Variants in SPIRE2 observed in about 807,000 individuals in gnomAD.
SPIRE2 encodes the protein spire type actin nucleation factor 2, also known as protein spire homolog 2.
SPIRE2 carries 76 observed loss-of-function variants against 80.7 expected under a neutral mutation model. That is an observed-to-expected ratio of 0.94 (90% CI 0.78 to 1.14). SPIRE2 has a LOEUF of 1.14. SPIRE2 is among the 50% of genes most tolerant of loss of function. The pLI is 0.00. For missense variants in SPIRE2, 1,196 were observed against 1,015.3 expected (o/e 1.18, Z -2.42); for synonymous variants, 535 against 432.6 (o/e 1.24, Z -2.94).
At chr16:89,842,916 C>T (rs570271329) in intron 1 of SPIRE2, among the ~76,000 whole-genome samples, 11 of 152,230 alleles carry the variant, frequency 7.2e-5, no homozygotes, top group African/African-American at 4.8e-5. Flanking sequence ...AGCAGGCTCC[C>T]TTTATCTTTG....
intron 1 of SPIRE2, among the ~76,000 whole-genome samples, chr16:89,830,251 C>T (rs2041366430): frequency 6.6e-6 from 1 of 151,258 alleles, no homozygotes; most frequent in Non-Finnish European, 1.5e-5. Flanking sequence ...GTCCTCACAG[C>T]CCCGGCAGCA....
intron 1 of SPIRE2, among the ~76,000 whole-genome samples, chr16:89,843,676 TTTTTG>T (rs201054717): frequency 0.096 from 2,842 of 29,580 alleles, 285 homozygotes; most frequent in African/African-American, 0.34. Context: ...CGTTTTTTTT[TTTTTG>T]TTTGTTTTTG....
At position 89,850,613 on chromosome 16, in the gene SPIRE2, A is replaced by G; in HGVS notation, c.598A>G (p.Thr200Ala). The G allele has an allele frequency of 1.3e-6, 2 of 1,515,650 alleles. No homozygotes were observed. The highest frequency in any genetic ancestry group is 2.4e-5 in the South Asian group (2 of 81,648). 93.9% of individuals were successfully genotyped at this position (1,515,650 alleles called of 1,614,324 possible). The change falls in exon 3 of 15, where the codon ACG (threonine) becomes GCG (alanine). Residue 200 changes from threonine (T) to alanine (A), a missense_variant. Coordinates refer to ENST00000378247, the MANE Select transcript of SPIRE2 (RefSeq NM_032451.2). Reference sequence around the variant, plus strand: ...CGTGTGCCGCGCGCTCTTCGTGGAGACGCTGGAGCTGCGGGCCTTCCTGGC... The same window carrying G: ...CGTGTGCCGCGCGCTCTTCGTGGAGGCGCTGGAGCTGCGGGCCTTCCTGGC... ...QAVCRALFVETLELRAFLARV... is the reference protein window; with the variant it reads ...QAVCRALFVEALELRAFLARV...
At chr16:89,851,795 G>C (rs2041630405) in intron 3 of SPIRE2, among the ~76,000 whole-genome samples, 1 of 152,090 alleles carries the variant, frequency 6.6e-6, no homozygotes, top group South Asian at 2.1e-4. Context: ...ATTCCCTCTT[G>C]CCTCGGTGGC....
At chr16:89,850,250 T>A in intron 2 of SPIRE2, 54 bp from the exon 3 acceptor site, 1 of 1,524,132 alleles carries the variant, frequency 6.6e-7, no homozygotes, top group Non-Finnish European at 8.9e-7. Context: ...AGCCGCGTTC[T>A]CCCCGCCCCA....
At chr16:89,856,911 G>C (rs926240238) in intron 7 of SPIRE2, among the ~76,000 whole-genome samples, 1 of 151,304 alleles carries the variant, frequency 6.6e-6, no homozygotes, top group Non-Finnish European at 1.5e-5. Context: ...AAATTTCAAA[G>C]AAAAATTAGC....
chr16:89,862,829 C>T (rs559596232), intron 10 of SPIRE2: 15 of 152,994 alleles, frequency 9.8e-5, no homozygotes, highest in Admixed American at 3.9e-4. Flanking sequence ...CAGTGATGAC[C>T]GACACTGCGA....
At chr16:89,840,636 ATTTTTT>A (rs10708235) in intron 1 of SPIRE2, among the ~76,000 whole-genome samples, 1 of 116,882 alleles carries the variant, frequency 8.6e-6, no homozygotes, top group African/African-American at 3.5e-5. Context: ...AAGTTTTCAA[ATTTTTT>A]TTTTTTTTTT....
chr16:89,862,003 C>G (rs1332096203), intron 10 of SPIRE2: 2 of 139,340 alleles, frequency 1.4e-5, no homozygotes, highest in Admixed American at 1.4e-4. Flanking sequence ...AGGCCCACTT[C>G]TTTTTTTTTT....
chr16:89,868,886 C>T (rs1183030602), intron 13 of SPIRE2, among the ~76,000 whole-genome samples: 1 of 150,814 alleles, frequency 6.6e-6, no homozygotes, highest in Non-Finnish European at 1.5e-5. Flanking sequence ...ATGTCACCAG[C>T]CAGGCGCGGT....
intron 3 of SPIRE2, 108 bp from the exon 4 acceptor site, chr16:89,854,178 T>A: frequency 9.9e-7 from 1 of 1,008,150 alleles, no homozygotes; most frequent in South Asian, 1.5e-5. Context: ...CTTTTCCGGC[T>A]GGTCGAGTGG....
At chr16:89,858,297 C>T (rs748569444) in intron 7 of SPIRE2, 41 bp from the exon 8 acceptor site, 1 of 1,518,588 alleles carries the variant, frequency 6.6e-7, no homozygotes, top group Non-Finnish European at 8.8e-7. Context: ...TGCTGTCTCC[C>T]CGTTCACTGG....
chr16:89,855,476 C>G (rs1012573575), intron 5 of SPIRE2, 124 bp from the exon 6 acceptor site: 5 of 775,806 alleles, frequency 6.4e-6, no homozygotes, highest in African/African-American at 3.5e-5. Flanking sequence ...TCCCTGCGAG[C>G]AAAGAGTGGG....
In SPIRE2 at chr16:89,869,748, G is replaced by C. The variant is rs998815706; in HGVS notation, c.1922+66G>C. 4.6e-5 allele frequency: 56 copies of C among 1,229,068 alleles called. No homozygotes were observed. In the African/African-American group the frequency reaches 7.7e-4, roughly 17 times the overall value. 76.1% of individuals were successfully genotyped at this position (1,229,068 alleles called of 1,614,324 possible). On this transcript the variant is annotated intron_variant, in intron 14 of 14. Coordinates refer to ENST00000378247, the MANE Select transcript of SPIRE2 (RefSeq NM_032451.2). ...GGGCGTGAAGAGGAACTTGGGAGCT[G>C]GGGTGGAGGGGGCTGGCTTTGTCTG...
At chr16:89,858,530 G>A in intron 8 of SPIRE2, 23 bp downstream of exon 8, 1 of 1,531,798 alleles carries the variant, frequency 6.5e-7, no homozygotes, top group East Asian at 2.4e-5. Context: ...GGGGATTCCT[G>A]AAAAGAGACC....
chr16:89,869,479 C>A, intron 13 of SPIRE2, 88 bp from the exon 14 acceptor site: 1 of 867,636 alleles, frequency 1.2e-6, no homozygotes, highest in Non-Finnish European at 1.9e-6. Flanking sequence ...ACGCAGGTCC[C>A]AGACTGGGGA....
rs1361855452 is a variant in SPIRE2 at position 89,828,754 on chromosome 16, C to G, written c.204C>G (p.Arg68=). 1 of 1,205,678 alleles carries G rather than the reference C, an allele frequency of 8.3e-7. No homozygotes were observed. The highest frequency in any genetic ancestry group is 1.0e-6 in the Non-Finnish European group (1 of 970,996). 74.7% of individuals were successfully genotyped at this position (1,205,678 alleles called of 1,614,324 possible). The part of the protein sequence containing the change: ...RLRDTGDLLL[R]GDGSVGAREP... Reference sequence around the variant, plus strand: ...GGGATACCGGGGACCTCCTGCTGCGCGGGGACGGCTCGGTCGGGGCGCGGG... The same window carrying G: ...GGGATACCGGGGACCTCCTGCTGCGGGGGGACGGCTCGGTCGGGGCGCGGG... The change falls in exon 1 of 15, where the codon CGC becomes CGG. Residue 68 remains arginine, a synonymous_variant. Coordinates refer to ENST00000378247, the MANE Select transcript of SPIRE2 (RefSeq NM_032451.2). The surrounding 1 kb of genome is among the most constrained non-coding windows in gnomAD (Gnocchi z 5.9).
chr16:89,856,239 G>A lies in SPIRE2; in HGVS notation c.1102+3G>A, dbSNP rs2041690917. The A allele has an allele frequency of 1.3e-6, 2 of 1,565,760 alleles. No homozygotes were observed. The highest frequency in any genetic ancestry group is 1.2e-5 in the South Asian group (1 of 85,768). The stretch of plus-strand genomic sequence containing the variant: ...GGGCGAGGGCTGGGCTGCCCGCGGT[G>A]AGTGAGGGGATGGCAGGAGAAGAGA... On this transcript the variant is annotated splice_donor_region_variant and intron_variant, in intron 7 of 14. Transcript: ENST00000378247.
At chr16:89,850,061 C>T (rs2041606770) in intron 2 of SPIRE2, 1 of 637,736 alleles carries the variant, frequency 1.6e-6, no homozygotes, top group Non-Finnish European at 2.9e-6. Flanking sequence ...TGGTCTTGAA[C>T]TCCTGACCTC....
Sources: allele counts gnomAD v4.1 joint callset (sites outside exome capture counted in the v4.1 genomes callset), GRCh38; gene constraint gnomAD v4.1.1; non-coding constraint Gnocchi (gnomAD v3.1); transcripts MANE v1.5; gene names NCBI Gene and HGNC (gene_info 2026-07-23, HGNC 2026-07-21).